Variants in FMN1 observed in about 807,000 individuals in gnomAD.
FMN1 encodes formin-1.
In FMN1, 110 loss-of-function variants were observed where a neutral mutation model predicts 132.4. The ratio of observed to expected loss-of-function variants is 0.83; its 90% CI spans 0.71 to 0.97. FMN1 has a LOEUF of 0.97. Ranked by LOEUF, FMN1 falls within the 50% of genes least tolerant of loss-of-function variation. FMN1 has a pLI of 0.00. For synonymous variants in FMN1, 722 were observed against 651.7 expected, an observed-to-expected ratio of 1.11 and a Z score of -1.64; for missense variants, 1,792 against 1,705.3, an observed-to-expected ratio of 1.05 and a Z score of -0.90.
intron 4 of FMN1, among the ~76,000 whole-genome samples, chr15:33,128,158 G>A (rs1207250886): frequency 1.4e-5 from 2 of 147,342 alleles, no homozygotes; most frequent in East Asian, 1.9e-4. Context: ...AACAGAAGTA[G>A]GATGGAGAAA....
intron 6 of FMN1, among the ~76,000 whole-genome samples, chr15:33,049,748 A>G (rs1338859767): frequency 6.6e-6 from 1 of 152,196 alleles, no homozygotes; most frequent in Admixed American, 6.5e-5. Context: ...CAACTGTCCA[A>G]ATCGTGTTCA....
intron 6 of FMN1, among the ~76,000 whole-genome samples, chr15:33,022,151 A>C (rs928600217): frequency 8.5e-5 from 13 of 152,200 alleles, no homozygotes; most frequent in African/African-American, 2.9e-4. Context: ...TAAATACCTA[A>C]TACAACGTCA....
At chr15:33,176,219 A>C (rs1965507493) in intron 3 of FMN1, among the ~76,000 whole-genome samples, 1 of 152,092 alleles carries the variant, frequency 6.6e-6, no homozygotes, top group Non-Finnish European at 1.5e-5. Flanking sequence ...CTAAAAATAC[A>C]AAAGTTAGCT....
At chr15:33,010,376 G>A (rs576075523) in intron 6 of FMN1, among the ~76,000 whole-genome samples, 6 of 152,208 alleles carry the variant, frequency 3.9e-5, no homozygotes, top group Admixed American at 2.6e-4. Context: ...AATGATATTA[G>A]ATATTATTCT....
chr15:33,121,712 A>G (rs139468340), intron 4 of FMN1, among the ~76,000 whole-genome samples: 435 of 152,184 alleles, frequency 2.9e-3, no homozygotes, highest in Non-Finnish European at 5.0e-3. Context: ...TATGTTTAGT[A>G]GAGACAAGAT....
chr15:32,825,823 G>A (rs1385665782), intron 17 of FMN1, among the ~76,000 whole-genome samples: 1 of 152,072 alleles, frequency 6.6e-6, no homozygotes, highest in Non-Finnish European at 1.5e-5. Context: ...TAAGCCGGGA[G>A]ACCGTCTCTT....
At chr15:33,176,192 G>A (rs1379413471) in intron 3 of FMN1, among the ~76,000 whole-genome samples, 1 of 152,098 alleles carries the variant, frequency 6.6e-6, no homozygotes, top group Non-Finnish European at 1.5e-5. Context: ...GGCCAACATG[G>A]TGAAACCCTG....
At chr15:33,039,802 G>A (rs1484834424) in intron 6 of FMN1, among the ~76,000 whole-genome samples, 1 of 152,096 alleles carries the variant, frequency 6.6e-6, no homozygotes, top group African/African-American at 2.4e-5. Flanking sequence ...GATTTTGAAT[G>A]TATCTGTTCA....
At chr15:32,797,979 G>A (rs1363756034) in intron 19 of FMN1, among the ~76,000 whole-genome samples, 1 of 152,136 alleles carries the variant, frequency 6.6e-6, no homozygotes, top group Non-Finnish European at 1.5e-5. Flanking sequence ...TCCTTACGCT[G>A]AGGAATTTTT....
chr15:33,116,841 T>C (rs2039946928), intron 4 of FMN1, among the ~76,000 whole-genome samples: 1 of 152,186 alleles, frequency 6.6e-6, no homozygotes, highest in Admixed American at 6.5e-5. Context: ...GGCAGGTCCT[T>C]CATAGAGAAA....
chr15:33,035,217 A>G (rs2036134138), intron 6 of FMN1, among the ~76,000 whole-genome samples: 1 of 152,226 alleles, frequency 6.6e-6, no homozygotes, highest in African/African-American at 2.4e-5. Flanking sequence ...GGCTCTAAAC[A>G]TATTTTAAGA....
intron 5 of FMN1, among the ~76,000 whole-genome samples, chr15:33,087,063 G>A (rs1018077982): frequency 6.6e-6 from 1 of 152,208 alleles, no homozygotes; most frequent in African/African-American, 2.4e-5. Context: ...AAGAAAAAGT[G>A]CTCCTTAGAT....
intron 17 of FMN1, among the ~76,000 whole-genome samples, chr15:32,826,006 A>G (rs1788468105): frequency 6.6e-6 from 1 of 152,260 alleles, no homozygotes; most frequent in African/African-American, 2.4e-5. Context: ...CAACAATGAC[A>G]CTGGTAGTAA....
intron 9 of FMN1, among the ~76,000 whole-genome samples, chr15:32,945,492 C>G (rs541614574): frequency 6.6e-6 from 1 of 152,094 alleles, no homozygotes; most frequent in South Asian, 2.1e-4. Flanking sequence ...AAACTTCAAC[C>G]CAGTCTCACA....
intron 5 of FMN1, chr15:33,067,010 C>G (rs1391037414): frequency 6.2e-7 from 1 of 1,613,990 alleles, no homozygotes; most frequent in South Asian, 1.1e-5. Context: ...GATGGTCTCT[C>G]CTCCCTCAGC....
At chr15:33,060,030 T>C (rs1206052364) in intron 6 of FMN1, among the ~76,000 whole-genome samples, 1 of 152,214 alleles carries the variant, frequency 6.6e-6, no homozygotes, top group African/African-American at 2.4e-5. Context: ...TCACCTCTAG[T>C]TTCCCAGTAA....
chr15:33,037,095 TTCC>T (rs1268700795), intron 6 of FMN1, among the ~76,000 whole-genome samples: 1 of 152,268 alleles, frequency 6.6e-6, no homozygotes, highest in African/African-American at 2.4e-5. Flanking sequence ...CAGTTATGAC[TTCC>T]TCAATTTCTG....
chr15:33,127,966 G>C (rs116188662), intron 4 of FMN1, among the ~76,000 whole-genome samples: 1 of 151,988 alleles, frequency 6.6e-6, no homozygotes, highest in Non-Finnish European at 1.5e-5. Context: ...AGGAAAGAAA[G>C]GGGAAAGGAA....
chr15:32,920,921 A>G (rs1481926186), intron 10 of FMN1, among the ~76,000 whole-genome samples: 1 of 152,164 alleles, frequency 6.6e-6, no homozygotes, highest in Non-Finnish European at 1.5e-5. Flanking sequence ...AATCCCTTCT[A>G]AAGGATTTCT....
Sources: gnomAD v4.1 joint callset for allele counts (sites outside exome capture counted in the v4.1 genomes callset) on GRCh38, gnomAD v4.1.1 for gene constraint, MANE v1.5 for transcripts, NCBI Gene and HGNC (gene_info 2026-07-23, HGNC 2026-07-21) for gene names.